The following ST6GALNAC3 variants were observed in gnomAD, a reference collection of about 807,000 sequenced individuals.
The protein encoded by ST6GALNAC3 is alpha-N-acetylgalactosaminide alpha-2,6-sialyltransferase 3.
Under a neutral mutation model 32.7 loss-of-function variants are expected in ST6GALNAC3, and 25 were observed. That is an observed-to-expected ratio of 0.76 (90% CI 0.56 to 1.07). The LOEUF is 1.07. Among genes scored for constraint, ST6GALNAC3 ranks in the 50% least tolerant of loss-of-function variants. The pLI is 0.00. For missense variants in ST6GALNAC3, 355 were observed against 382.4 expected, an observed-to-expected ratio of 0.93 and a Z score of 0.60; for synonymous variants, 129 against 133.1, an observed-to-expected ratio of 0.97 and a Z score of 0.21.
intron 3 of ST6GALNAC3, among the ~76,000 whole-genome samples, chr1:76,450,513 C>G (rs1228851464): frequency 6.6e-6 from 1 of 152,110 alleles, no homozygotes; most frequent in African/African-American, 2.4e-5. Flanking sequence ...TCCCACTCTA[C>G]AGGTTGTCTG....
At chr1:76,617,277 G>A (rs1247612155) in intron 3 of ST6GALNAC3, among the ~76,000 whole-genome samples, 1 of 152,048 alleles carries the variant, frequency 6.6e-6, no homozygotes, top group Non-Finnish European at 1.5e-5. Context: ...AAAGAAAAGT[G>A]AGTCATTTCA....
At chr1:76,599,762 G>A (rs947686325) in intron 3 of ST6GALNAC3, among the ~76,000 whole-genome samples, 2 of 116,010 alleles carry the variant, frequency 1.7e-5, no homozygotes, top group Admixed American at 1.8e-4. Context: ...GTGTGTGTGT[G>A]TAATGTTGCT....
At chr1:76,511,122 G>C (rs1178106932) in intron 3 of ST6GALNAC3, among the ~76,000 whole-genome samples, 1 of 151,976 alleles carries the variant, frequency 6.6e-6, no homozygotes, top group African/African-American at 2.4e-5. Context: ...AGGGTCTTTT[G>C]CCAAAGCTTC....
chr1:76,467,131 A>G (rs1371989622), intron 3 of ST6GALNAC3, among the ~76,000 whole-genome samples: 1 of 152,104 alleles, frequency 6.6e-6, no homozygotes, highest in Non-Finnish European at 1.5e-5. Context: ...AATGAACAAA[A>G]GAGAGAGACA....
At chr1:76,514,902 C>G (rs12725311) in intron 3 of ST6GALNAC3, among the ~76,000 whole-genome samples, 16,310 of 152,098 alleles carry the variant, frequency 0.11, 999 homozygotes, top group East Asian at 0.22. Context: ...TAATATGCTA[C>G]TATATTCTGT....
intron 1 of ST6GALNAC3, among the ~76,000 whole-genome samples, chr1:76,228,309 G>A (rs1294501617): frequency 6.6e-6 from 1 of 152,182 alleles, no homozygotes; most frequent in African/African-American, 2.4e-5. Context: ...CCACTAAAGT[G>A]TAGCTTTCTC....
At chr1:76,133,262 C>T (rs972997530) in intron 1 of ST6GALNAC3, among the ~76,000 whole-genome samples, 2 of 152,162 alleles carry the variant, frequency 1.3e-5, no homozygotes, top group African/African-American at 4.8e-5. Flanking sequence ...ATGGTTTCAT[C>T]TTCAGGGACA....
intron 1 of ST6GALNAC3, among the ~76,000 whole-genome samples, chr1:76,260,973 T>TACACACACACAC (rs59946768): frequency 1.6e-4 from 23 of 146,198 alleles, no homozygotes; most frequent in Admixed American, 4.8e-4. Context: ...GAGGTTTTGA[T>TACACACACACAC]ACACACACAC....
In ST6GALNAC3 at chr1:76,345,574, A is replaced by G. The variant is rs146821499; in HGVS notation, c.213+31575A>G. On this transcript the variant is annotated intron_variant, in intron 2 of 4. Transcript: ENST00000328299. ...ACCTTGAAATAGTATTTCTAATGAT[A>G]AAAATAATAACACAATAAAGTTTAG... Among the ~76,000 whole-genome samples the G allele has an allele frequency of 5.5e-3, 831 of 152,246 alleles. 8 individuals are homozygous for G. Among genetic ancestry groups the G allele is most frequent in the African/African-American group, 0.019 (787 of 41,536 alleles).
chr1:76,460,278 T>G (rs1376571058), intron 3 of ST6GALNAC3, among the ~76,000 whole-genome samples: 1 of 152,208 alleles, frequency 6.6e-6, no homozygotes, highest in Non-Finnish European at 1.5e-5. Flanking sequence ...TTTATATATC[T>G]TTAGAGATAT....
chr1:76,218,521 A>C (rs1258923111), intron 1 of ST6GALNAC3, among the ~76,000 whole-genome samples: 9 of 152,250 alleles, frequency 5.9e-5, no homozygotes, highest in Non-Finnish European at 8.8e-5. Flanking sequence ...TAAAGAAACA[A>C]TGCAACATGT....
At chr1:76,393,719 C>G (rs1283174936) in intron 2 of ST6GALNAC3, among the ~76,000 whole-genome samples, 2 of 152,046 alleles carry the variant, frequency 1.3e-5, no homozygotes, top group African/African-American at 2.4e-5. Context: ...CTTATTTCTC[C>G]CTATAAAATG....
Position 76,193,378 on chromosome 1 carries a change from A to C in ST6GALNAC3, c.18+118494A>C, listed in dbSNP as rs539124438. 5.3e-5 allele frequency among the ~76,000 whole-genome samples: 8 copies of C among 152,306 alleles called. No individual in the cohort carries two copies. In the South Asian group the frequency reaches 1.7e-3, roughly 32 times the overall value. ...AGTGTGTACATTGTGGAATGGCTAA[A>C]TTGAGCTAATTACCATAAGTACCAA... On this transcript the variant is annotated intron_variant, in intron 1 of 4. Transcript: ENST00000328299.
At chr1:76,296,137 G>T (rs1660390231) in intron 1 of ST6GALNAC3, among the ~76,000 whole-genome samples, 1 of 152,064 alleles carries the variant, frequency 6.6e-6, no homozygotes, top group African/African-American at 2.4e-5. Context: ...ATCAGAAAGG[G>T]AAAGTTTACT....
intron 1 of ST6GALNAC3, among the ~76,000 whole-genome samples, chr1:76,308,425 A>G (rs1661197973): frequency 6.6e-6 from 1 of 152,098 alleles, no homozygotes; most frequent in African/African-American, 2.4e-5. Context: ...AGTATGAAAA[A>G]TTTGTTGAGC....
In ST6GALNAC3 at chr1:76,432,443, C is replaced by CTTT. The variant is rs35527607; in HGVS notation, c.623+20053_623+20055dup. On this transcript the variant is annotated intron_variant, in intron 3 of 4. Transcript: ENST00000328299. ...TATGTAGCTAAGTTGCCTTTATTGC[C>CTTT]TTTTTTTTTTTTTTTTTTTTTTTTT... Among the ~76,000 whole-genome samples the CTTT allele has an allele frequency of 4.4e-4, 25 of 57,190 alleles. 3 individuals are homozygous for CTTT. The highest frequency in any genetic ancestry group is 1.7e-3 in the African/African-American group (24 of 14,270). The allele number at this position is 57,190 out of a possible 152,430, so 37.5% of individuals were successfully genotyped here.
chr1:76,224,055 G>A (rs985843036), intron 1 of ST6GALNAC3, among the ~76,000 whole-genome samples: 1 of 152,122 alleles, frequency 6.6e-6, no homozygotes, highest in Non-Finnish European at 1.5e-5. Flanking sequence ...CAGCCGTGAC[G>A]TGAGACTCAC....
At chr1:76,170,448 G>A (rs943850078) in intron 1 of ST6GALNAC3, among the ~76,000 whole-genome samples, 1 of 152,158 alleles carries the variant, frequency 6.6e-6, no homozygotes, top group Non-Finnish European at 1.5e-5. Context: ...GGTCAGCATG[G>A]GGGAGGACTG....
rs1211703628 is a variant in ST6GALNAC3, at chr1:76,434,784, G to GTTTTTTTTTTT, written c.623+22381_623+22391dup. Among the ~76,000 whole-genome samples, 18 of 72,206 alleles carry GTTTTTTTTTTT rather than the reference G, an allele frequency of 2.5e-4. 1 individual carries two copies. Among genetic ancestry groups the GTTTTTTTTTTT allele is most frequent in the African/African-American group, 5.2e-4 (9 of 17,460 alleles). The allele number at this position is 72,206 out of a possible 152,430, so 47.4% of individuals were successfully genotyped here. On this transcript the variant is annotated intron_variant, in intron 3 of 4. Transcript: ENST00000328299. ...CTTTTTACTGCCTTTTTTTTTCTCT[G>GTTTTTTTTTTT]TTTTTTTTTTTTTTTTTTTTTTTTG...
Sources: allele counts gnomAD v4.1 joint callset (sites outside exome capture counted in the v4.1 genomes callset), GRCh38; gene constraint gnomAD v4.1.1; transcripts MANE v1.5; gene names NCBI Gene and HGNC (gene_info 2026-07-23, HGNC 2026-07-21).